Variants in CDH18 observed in about 807,000 individuals in gnomAD.
CDH18 encodes cadherin-18.
A neutral mutation model predicts 67.9 loss-of-function variants in CDH18; 31 were observed. That is an observed-to-expected ratio of 0.46 (90% CI 0.34 to 0.62). The LOEUF (loss-of-function observed/expected upper bound fraction) is 0.62, where lower values mean the gene tolerates loss of function less well. Among genes scored for constraint, CDH18 ranks in the 20% least tolerant of loss-of-function variants. The probability of loss-of-function intolerance (pLI) is 0.01; values close to 1 mark genes in which losing one functional copy is unlikely to be tolerated. For synonymous variants in CDH18, 362 were observed against 347.2 expected (o/e 1.04, Z -0.48); for missense variants, 890 against 975.5 (o/e 0.91, Z 1.17).
intron 9 of CDH18, among the ~76,000 whole-genome samples, chr5:19,525,034 C>T (rs528596240): frequency 6.6e-6 from 1 of 152,264 alleles, no homozygotes; most frequent in East Asian, 1.9e-4. Flanking sequence ...CGTGAGCCAC[C>T]GCGCCTGGCC....
chr5:20,095,442 A>G (rs1745868783), intron 2 of CDH18, among the ~76,000 whole-genome samples: 1 of 143,184 alleles, frequency 7.0e-6, no homozygotes, highest in South Asian at 2.3e-4. Context: ...AAAGAAAGAA[A>G]GAAAAGAAAG....
intron 2 of CDH18, among the ~76,000 whole-genome samples, chr5:20,226,142 A>AT (rs994497467): frequency 6.6e-6 from 1 of 152,118 alleles, no homozygotes; most frequent in African/African-American, 2.4e-5. Flanking sequence ...AGCAAATGTT[A>AT]TTTTTTTAAA....
intron 1 of CDH18, among the ~76,000 whole-genome samples, chr5:20,512,459 T>C (rs1465872637): frequency 6.6e-6 from 1 of 152,180 alleles, no homozygotes; most frequent in Non-Finnish European, 1.5e-5. Flanking sequence ...AATTATGTAT[T>C]AATGTGATAT....
At chr5:20,099,764 T>C (rs1746298086) in intron 2 of CDH18, among the ~76,000 whole-genome samples, 2 of 152,158 alleles carry the variant, frequency 1.3e-5, no homozygotes, top group African/African-American at 4.8e-5. Context: ...CTTAGTTTTC[T>C]AATAAAATAG....
chr5:20,562,398 C>A (rs7722302), intron 1 of CDH18, among the ~76,000 whole-genome samples: 482 of 151,236 alleles, frequency 3.2e-3, no homozygotes, highest in Non-Finnish European at 5.7e-3. Flanking sequence ...TTCAAGGCAA[C>A]CTTATGTACC....
rs73048787 is a variant in CDH18 at position 20,549,504 on chromosome 5, T to C, written c.-580+25958A>G. 8.5e-3 allele frequency among the ~76,000 whole-genome samples: 1,297 copies of C among 152,258 alleles called. 16 individuals are homozygous for C. Among genetic ancestry groups the C allele is most frequent in the African/African-American group, 0.03 (1,249 of 41,550 alleles). On this transcript the variant is annotated intron_variant, in intron 1 of 14. Coordinates refer to the CDH18 transcript ENST00000507958. Reference sequence around the variant, plus strand: ...CTCTTAGATTTACTACAGTAGGTTATAGAGGAAAGCACGGCCGAAATAACA... The same window carrying C: ...CTCTTAGATTTACTACAGTAGGTTACAGAGGAAAGCACGGCCGAAATAACA...
intron 1 of CDH18, among the ~76,000 whole-genome samples, chr5:20,288,186 C>G (rs1057080928): frequency 1.3e-5 from 2 of 151,622 alleles, no homozygotes; most frequent in Admixed American, 1.3e-4. Flanking sequence ...TTAACTGTTA[C>G]CAATTCAGAG....
At chr5:19,848,857 C>T (rs1204554076) in intron 2 of CDH18, among the ~76,000 whole-genome samples, 1 of 149,070 alleles carries the variant, frequency 6.7e-6, no homozygotes, top group Non-Finnish European at 1.5e-5. Flanking sequence ...CTATATATAG[C>T]ATTTTATATA....
In CDH18 at chr5:19,571,664, T is replaced by C. The variant is rs1002167442; in HGVS notation, c.1168A>G (p.Met390Val). 7 of 1,613,554 alleles carry C rather than the reference T, an allele frequency of 4.3e-6. No homozygotes were observed. Among genetic ancestry groups the C allele is most frequent in the Non-Finnish European group, 5.9e-6 (7 of 1,179,686 alleles). Reference protein sequence around the residue: ...PPLFSMPSYLMEVYENAKIGT... With the variant: ...PPLFSMPSYLVEVYENAKIGT... The stretch of plus-strand genomic sequence containing the variant: ...ATCTTGGCATTTTCGTAGACTTCCA[T>C]GAGGTAGGAAGGCATGGAAAATAGT... Residue 390 changes from methionine to valine, a missense_variant, in exon 8 of 13, where the codon ATG becomes GTG. Met to Val is a conservative substitution (Grantham distance 21). This residue lies in a region of CDH18 where 656 missense variants were observed against 668.1 expected (regional missense o/e 0.98). Coordinates refer to ENST00000382275, the MANE Select transcript of CDH18 (RefSeq NM_004934.5).
At chr5:20,081,905 A>G (rs924967036) in intron 2 of CDH18, among the ~76,000 whole-genome samples, 4 of 152,178 alleles carry the variant, frequency 2.6e-5, no homozygotes, top group African/African-American at 9.7e-5. Flanking sequence ...CAATTTATCC[A>G]TATTACAAAC....
intron 1 of CDH18, among the ~76,000 whole-genome samples, chr5:20,421,295 G>T (rs1009618218): frequency 6.6e-6 from 1 of 150,900 alleles, no homozygotes; most frequent in Non-Finnish European, 1.5e-5. Context: ...CCCCCAACAG[G>T]TTCCTCCTTG....
rs577017911 is a variant in CDH18, at chr5:19,679,702, T to C, written c.643+41645A>G. Among the ~76,000 whole-genome samples the C allele has an allele frequency of 4.7e-4, 71 of 151,958 alleles. No individual in the cohort carries two copies. In the South Asian group the frequency reaches 0.014, roughly 30 times the overall value. On this transcript the variant is annotated intron_variant, in intron 5 of 12. Transcript: ENST00000382275. ...CAATCCCATTTCTAGCAGCCACAAG[T>C]AGAATAAAATATCTAATAATACAGC...
At chr5:19,882,039 T>A (rs1561500044) in intron 2 of CDH18, among the ~76,000 whole-genome samples, 1 of 152,210 alleles carries the variant, frequency 6.6e-6, no homozygotes, top group Non-Finnish European at 1.5e-5. Context: ...CAAATGTGAC[T>A]ATTAAAATTT....
chr5:19,496,886 G>T (rs1742434392), intron 11 of CDH18, among the ~76,000 whole-genome samples: 1 of 147,262 alleles, frequency 6.8e-6, no homozygotes, highest in South Asian at 2.2e-4. Context: ...ATAAAGAAAA[G>T]TGTTCCTTCT....
chr5:19,746,840 C>T, intron 4 of CDH18, 102 bp downstream of exon 4: 1 of 873,090 alleles, frequency 1.1e-6, no homozygotes, highest in Non-Finnish European at 1.7e-6. Context: ...TATTTATATC[C>T]CCTCCAGATA....
At chr5:20,445,887 G>A (rs980796687) in intron 1 of CDH18, among the ~76,000 whole-genome samples, 1 of 152,046 alleles carries the variant, frequency 6.6e-6, no homozygotes, top group Non-Finnish European at 1.5e-5. Context: ...ACTCTCAGAG[G>A]GAGAGTGGGC....
intron 2 of CDH18, among the ~76,000 whole-genome samples, chr5:19,949,014 T>C (rs958277639): frequency 6.6e-6 from 1 of 152,170 alleles, no homozygotes; most frequent in South Asian, 2.1e-4. Flanking sequence ...TTTTCAAACA[T>C]GATTGAAAGC....
chr5:19,759,171 T>C lies in CDH18; in HGVS notation c.229-11935A>G, dbSNP rs557565096. Among the ~76,000 whole-genome samples the C allele has an allele frequency of 1.4e-3, 206 of 152,310 alleles. 1 individual carries two copies. Among genetic ancestry groups the C allele is most frequent in the South Asian group, 4.8e-3 (23 of 4,820 alleles). On this transcript the variant is annotated intron_variant, in intron 3 of 12. Coordinates refer to ENST00000382275, the MANE Select transcript of CDH18 (RefSeq NM_004934.5). ...ACCACATCTGGTACAGCAGCTGCAA[T>C]TGGAGTCACTGCTTGGTTAAGCTTA...
chr5:20,162,999 C>T (rs941197846), intron 2 of CDH18, among the ~76,000 whole-genome samples: 2 of 151,930 alleles, frequency 1.3e-5, no homozygotes, highest in Non-Finnish European at 2.9e-5. Context: ...GCGGAGGTTG[C>T]AGTGAGCTGA....
Sources: gnomAD v4.1 joint callset for allele counts (sites outside exome capture counted in the v4.1 genomes callset) on GRCh38, gnomAD v4.1.1 for gene constraint, gnomAD v4.1.1 regional missense constraint, MANE v1.5 for transcripts, NCBI Gene and HGNC (gene_info 2026-07-23, HGNC 2026-07-21) for gene names.